Variants in MLIP observed in about 807,000 individuals in gnomAD.
MLIP encodes muscular LMNA interacting protein.
Under a neutral mutation model 84.8 loss-of-function variants are expected in MLIP, and 79 were observed. That is an observed-to-expected ratio of 0.93 (90% CI 0.78 to 1.12). MLIP has a LOEUF of 1.12. Among genes scored for constraint, MLIP ranks in the 50% most tolerant of loss-of-function variants. The probability of loss-of-function intolerance (pLI) is 0.00; values close to 1 mark genes in which losing one functional copy is unlikely to be tolerated. For missense variants in MLIP, 1,257 were observed against 1,160.6 expected, an observed-to-expected ratio of 1.08 and a Z score of -1.21; for synonymous variants, 504 against 463.0, an observed-to-expected ratio of 1.09 and a Z score of -1.14.
chr6:54,195,922 TGAA>T (rs1778262446), intron 10 of MLIP, among the ~76,000 whole-genome samples: 1 of 152,168 alleles, frequency 6.6e-6, no homozygotes, highest in African/African-American at 2.4e-5. Flanking sequence ...TTATTTTAAA[TGAA>T]GAAGATTAAA....
intron 1 of MLIP, among the ~76,000 whole-genome samples, chr6:54,029,970 A>G (rs1050331853): frequency 1.3e-5 from 2 of 152,142 alleles, no homozygotes; most frequent in Non-Finnish European, 2.9e-5. Context: ...AAATGTAAGC[A>G]CTCAATAAGT....
intron 11 of MLIP, among the ~76,000 whole-genome samples, chr6:54,210,745 AAT>A (rs1491012722): frequency 2.6e-5 from 4 of 151,666 alleles, no homozygotes; most frequent in African/African-American, 4.8e-5. Flanking sequence ...AAAAAAAAAA[AAT>A]GTTCTAATGT....
intron 5 of MLIP, 55 bp downstream of exon 5, chr6:54,149,182 T>C: frequency 1.3e-6 from 2 of 1,485,728 alleles, no homozygotes; most frequent in Non-Finnish European, 1.9e-6. Context: ...ATTTTTAAAA[T>C]GTTTTCTAAA....
intron 1 of MLIP, among the ~76,000 whole-genome samples, chr6:54,036,643 T>A (rs1344896822): frequency 6.6e-6 from 1 of 152,006 alleles, no homozygotes; most frequent in Non-Finnish European, 1.5e-5. Flanking sequence ...GGTGGGAATA[T>A]GAATTGGTAC....
At chr6:54,259,784 T>A (rs1183889586) in intron 13 of MLIP, among the ~76,000 whole-genome samples, 1 of 151,922 alleles carries the variant, frequency 6.6e-6, no homozygotes. Context: ...GTGTTCTGTA[T>A]TTTACTTCTT....
intron 1 of MLIP, among the ~76,000 whole-genome samples, chr6:54,087,148 TG>T (rs1200756868): frequency 6.6e-6 from 1 of 152,110 alleles, no homozygotes; most frequent in Non-Finnish European, 1.5e-5. Flanking sequence ...GATGAGTAAA[TG>T]AATATTATGA....
intron 13 of MLIP, among the ~76,000 whole-genome samples, chr6:54,265,524 T>C (rs1262101063): frequency 1.3e-5 from 2 of 152,166 alleles, no homozygotes. Flanking sequence ...ATTCAATCCC[T>C]ATTCAGTTTA....
At chr6:54,025,869 A>G (rs1763773358) in intron 1 of MLIP, among the ~76,000 whole-genome samples, 1 of 152,174 alleles carries the variant, frequency 6.6e-6, no homozygotes, top group African/African-American at 2.4e-5. Context: ...TGTGCATTCT[A>G]CGTCTCCACT....
intron 9 of MLIP, among the ~76,000 whole-genome samples, chr6:54,177,895 G>T (rs1188181489): frequency 6.6e-6 from 1 of 152,240 alleles, no homozygotes; most frequent in Admixed American, 6.5e-5. Flanking sequence ...TCTTTTGCGG[G>T]AACATGGATG....
chr6:54,101,263 G>A (rs1280778007), intron 1 of MLIP, among the ~76,000 whole-genome samples: 1 of 152,030 alleles, frequency 6.6e-6, no homozygotes, highest in Admixed American at 6.6e-5. Context: ...AGGAAATAGT[G>A]TAAGTAAACA....
intron 3 of MLIP, among the ~76,000 whole-genome samples, chr6:54,129,072 A>G (rs1463232973): frequency 6.6e-6 from 1 of 152,128 alleles, no homozygotes; most frequent in Non-Finnish European, 1.5e-5. Context: ...GGGGCTAAAT[A>G]ATGCAGGTCC....
chr6:54,039,467 T>A (rs1262809173), intron 1 of MLIP, among the ~76,000 whole-genome samples: 1 of 151,942 alleles, frequency 6.6e-6, no homozygotes, highest in African/African-American at 2.4e-5. Flanking sequence ...ACACCATGCA[T>A]CTTTGGCATA....
chr6:54,173,888 C>T (rs1428608386), intron 9 of MLIP, among the ~76,000 whole-genome samples: 1 of 151,678 alleles, frequency 6.6e-6, no homozygotes, highest in Non-Finnish European at 1.5e-5. Context: ...AAAGCAACCC[C>T]CACCATTCCC....
intron 1 of MLIP, among the ~76,000 whole-genome samples, chr6:54,033,337 G>A (rs1022597184): frequency 2.0e-5 from 3 of 151,240 alleles, no homozygotes; most frequent in African/African-American, 7.3e-5. Flanking sequence ...CGCAGTCTCA[G>A]CTCACTGCAA....
intron 11 of MLIP, among the ~76,000 whole-genome samples, chr6:54,206,727 A>C (rs1169705452): frequency 6.6e-6 from 1 of 152,130 alleles, no homozygotes; most frequent in Non-Finnish European, 1.5e-5. Context: ...TCAGGTTTCT[A>C]TCTAATGATT....
intron 5 of MLIP, among the ~76,000 whole-genome samples, chr6:54,151,063 A>C (rs1406260234): frequency 2.0e-5 from 3 of 152,164 alleles, no homozygotes; most frequent in Non-Finnish European, 1.5e-5. Flanking sequence ...AGGGTGCTGC[A>C]TTATTGTATA....
intron 1 of MLIP, among the ~76,000 whole-genome samples, chr6:54,086,732 G>C (rs1454171587): frequency 1.3e-5 from 2 of 152,162 alleles, no homozygotes; most frequent in African/African-American, 4.8e-5. Flanking sequence ...CTTCAGGGAT[G>C]TCAGATAGCC....
intron 1 of MLIP, among the ~76,000 whole-genome samples, chr6:54,084,977 C>T (rs1767393396): frequency 6.6e-6 from 1 of 152,166 alleles, no homozygotes; most frequent in Non-Finnish European, 1.5e-5. Context: ...AGCAAACCTC[C>T]ACTTCTTGAA....
chr6:54,255,477 G>A (rs1194468352), intron 12 of MLIP, among the ~76,000 whole-genome samples: 1 of 152,064 alleles, frequency 6.6e-6, no homozygotes, highest in South Asian at 2.1e-4. Context: ...CACATTTTTA[G>A]TCAGCTTAAG....
Sources: allele counts gnomAD v4.1 joint callset (sites outside exome capture counted in the v4.1 genomes callset), GRCh38; gene constraint gnomAD v4.1.1; transcripts MANE v1.5; gene names NCBI Gene and HGNC (gene_info 2026-07-23, HGNC 2026-07-21).